Variants in ELAVL4 observed in about 807,000 individuals in gnomAD.
ELAVL4 encodes the protein ELAV-like protein 4.
ELAVL4 carries 1 observed loss-of-function variant against 35.6 expected under a neutral mutation model. The observed-to-expected ratio is 0.03, with a 90% confidence interval of 0.01 to 0.13. The LOEUF (loss-of-function observed/expected upper bound fraction) is 0.13. Ranked by LOEUF, ELAVL4 falls within the 10% of genes least tolerant of loss-of-function variation. The probability of loss-of-function intolerance (pLI) is 1.00; values close to 1 mark genes in which losing one functional copy is unlikely to be tolerated. For missense variants in ELAVL4, 267 were observed against 464.9 expected (o/e 0.57, Z 3.91); for synonymous variants, 156 against 171.0 (o/e 0.91, Z 0.69).
rs890180595 is a variant in ELAVL4 at position 50,146,638 on chromosome 1, A to G, written c.250+1441A>G. ...CTTGTACCAGAGCACTGGAACATCT[A>G]TCCTTAAACAGAATTTCCCATACGT... On this transcript the variant is annotated intron_variant, in intron 2 of 6. Transcript: ENST00000371824. 2.6e-5 allele frequency among the ~76,000 whole-genome samples: 4 copies of G among 152,198 alleles called. No individual in the cohort carries two copies. The East Asian group carries it at 5.8e-4, about 22-fold the overall frequency.
chr1:50,069,172 A>G (rs1020384800), intron 1 of ELAVL4, among the ~76,000 whole-genome samples: 2 of 152,132 alleles, frequency 1.3e-5, no homozygotes, highest in Non-Finnish European at 2.9e-5. Context: ...CAGCAGCATC[A>G]TTTACCAGCT....
At chr1:50,073,367 T>G (rs1664617925) in intron 1 of ELAVL4, among the ~76,000 whole-genome samples, 1 of 152,158 alleles carries the variant, frequency 6.6e-6, no homozygotes, top group Admixed American at 6.5e-5. Flanking sequence ...TTTATTATTT[T>G]AAAAAATCCT....
chr1:50,165,798 G>GTATATGTGTGTGTGTATATA (rs1046122398), intron 2 of ELAVL4, among the ~76,000 whole-genome samples: 5 of 118,736 alleles, frequency 4.2e-5, no homozygotes, highest in African/African-American at 1.5e-4. Flanking sequence ...ATATATATGT[G>GTATATGTGTGTGTGTATATA]TATATGTGTG....
Position 50,151,295 on chromosome 1 carries a change from C to T in ELAVL4, c.250+6098C>T, listed in dbSNP as rs919198482. Among the ~76,000 whole-genome samples the T allele has an allele frequency of 2.6e-5, 4 of 152,136 alleles. No homozygotes were observed. In the South Asian group the frequency reaches 8.3e-4, roughly 32 times the overall value. ...ATGAAATTTTTGAATACCGGGAAAA[C>T]ATAATTAGAGCTCAGAATCTTTTGT... On this transcript the variant is annotated intron_variant, in intron 2 of 6. Transcript: ENST00000371824.
intron 3 of ELAVL4, among the ~76,000 whole-genome samples, chr1:50,183,677 C>G (rs1439231622): frequency 6.6e-6 from 1 of 152,196 alleles, no homozygotes; most frequent in Non-Finnish European, 1.5e-5. Context: ...ACTTCTTTCT[C>G]TTGCCAGGGG....
chr1:50,132,640 G>T (rs1400772809), intron 1 of ELAVL4, among the ~76,000 whole-genome samples: 1 of 152,100 alleles, frequency 6.6e-6, no homozygotes, highest in Admixed American at 6.5e-5. Flanking sequence ...TTATTCATTT[G>T]GGCTCCCATG....
At chr1:50,051,980 C>A (rs1663410003) in intron 1 of ELAVL4, among the ~76,000 whole-genome samples, 2 of 152,118 alleles carry the variant, frequency 1.3e-5, no homozygotes, top group South Asian at 4.1e-4. Flanking sequence ...CTGTTTACGG[C>A]CTAATCTCTT....
At chr1:50,141,571 G>A (rs745618303) in intron 1 of ELAVL4, among the ~76,000 whole-genome samples, 10 of 152,210 alleles carry the variant, frequency 6.6e-5, no homozygotes, top group African/African-American at 2.4e-4. Flanking sequence ...GCCAGGAGTT[G>A]TGCTGATGCT....
chr1:50,144,607 G>T, intron 1 of ELAVL4: 2 of 481,330 alleles, frequency 4.2e-6, no homozygotes, highest in Non-Finnish European at 8.0e-6. Context: ...TTTTAATCAT[G>T]ATTATTACTT....
At chr1:50,197,238 AATGACCTGAAC>A (rs1370307138) in intron 5 of ELAVL4, among the ~76,000 whole-genome samples, 180 bp from the exon 6 acceptor site, 6 of 152,226 alleles carry the variant, frequency 3.9e-5, no homozygotes, top group Admixed American at 1.3e-4. Flanking sequence ...AAACTCTAGC[AATGACCTGAAC>A]ATGAATTACT....
At chr1:50,134,557 T>C (rs563713488) in intron 1 of ELAVL4, among the ~76,000 whole-genome samples, 2 of 152,254 alleles carry the variant, frequency 1.3e-5, no homozygotes, top group East Asian at 3.9e-4. Flanking sequence ...GATTTTCTTT[T>C]TATTAGAGCT....
chr1:50,112,081 T>C (rs1667165897), intron 1 of ELAVL4, among the ~76,000 whole-genome samples: 1 of 152,086 alleles, frequency 6.6e-6, no homozygotes, highest in African/African-American at 2.4e-5. Flanking sequence ...ATCCCCCCAA[T>C]TCTTTTTTCC....
At chr1:50,121,570 C>CT (rs1669046125) in intron 1 of ELAVL4, among the ~76,000 whole-genome samples, 1 of 151,938 alleles carries the variant, frequency 6.6e-6, no homozygotes, top group African/African-American at 2.4e-5. Flanking sequence ...ATGTTCCTTA[C>CT]TTTTTTATTT....
At chr1:50,171,475 C>CT (rs1678994288) in intron 2 of ELAVL4, among the ~76,000 whole-genome samples, 3 of 152,198 alleles carry the variant, frequency 2.0e-5, no homozygotes, top group Non-Finnish European at 4.4e-5. Context: ...CACAGTAGGC[C>CT]TGATGATACC....
At chr1:50,056,739 C>A (rs562020653) in intron 1 of ELAVL4, among the ~76,000 whole-genome samples, 36 of 152,294 alleles carry the variant, frequency 2.4e-4, no homozygotes, top group Non-Finnish European at 2.6e-4. Flanking sequence ...CGAGACCATC[C>A]TGGCTAACAC....
At chr1:50,094,097 A>C (rs1364222080) in intron 1 of ELAVL4, among the ~76,000 whole-genome samples, 4 of 152,234 alleles carry the variant, frequency 2.6e-5, no homozygotes, top group African/African-American at 4.8e-5. Flanking sequence ...AGAGCTACCT[A>C]TAGCTTTCTG....
intron 4 of ELAVL4, 74 bp from the exon 5 acceptor site, chr1:50,195,487 G>T: frequency 1.3e-6 from 2 of 1,525,156 alleles, no homozygotes. Flanking sequence ...ATATCCACAG[G>T]ACCCATCTCT....
At position 50,139,245 on chromosome 1, in the gene ELAVL4, C is replaced by T. The variant is rs571360687; in HGVS notation, c.10-5712C>T. Among the ~76,000 whole-genome samples the T allele has an allele frequency of 5.3e-5, 8 of 152,224 alleles. No individual in the cohort carries two copies. The South Asian group carries it at 1.2e-3, about 24-fold the overall frequency. ...CTACAGTCCTTTATCTGGGACCTAC[C>T]GATTGTTAGGCTTTATTCTACATTC... On this transcript the variant is annotated intron_variant, in intron 1 of 6. Transcript: ENST00000371824.
chr1:50,097,927 A>G (rs1479339495), intron 1 of ELAVL4, among the ~76,000 whole-genome samples: 2 of 152,216 alleles, frequency 1.3e-5, no homozygotes, highest in African/African-American at 4.8e-5. Flanking sequence ...TGTGCTAACA[A>G]ATAATAAAGA....
Sources: gnomAD v4.1 joint callset for allele counts (sites outside exome capture counted in the v4.1 genomes callset) on GRCh38, gnomAD v4.1.1 for gene constraint, MANE v1.5 for transcripts, NCBI Gene and HGNC (gene_info 2026-07-23, HGNC 2026-07-21) for gene names.